Variants in TMEM131L observed in about 807,000 individuals in gnomAD.
TMEM131L encodes the protein transmembrane 131 like, also known as transmembrane protein 131-like.
Under a neutral mutation model 192.2 loss-of-function variants are expected in TMEM131L, and 54 were observed. The observed-to-expected ratio is 0.28, with a 90% CI of 0.23 to 0.35. The LOEUF (loss-of-function observed/expected upper bound fraction) is 0.35, where lower values mean the gene tolerates loss of function less well. Among genes scored for constraint, TMEM131L ranks in the 10% least tolerant of loss-of-function variants. The pLI is 1.00. For synonymous variants in TMEM131L, 701 were observed against 704.9 expected, an observed-to-expected ratio of 0.99 and a Z score of 0.09; for missense variants, 1,888 against 1,972.9, an observed-to-expected ratio of 0.96 and a Z score of 0.82.
chr4:153,478,010 A>G (rs1016654046), intron 3 of TMEM131L, among the ~76,000 whole-genome samples: 1 of 152,212 alleles, frequency 6.6e-6, no homozygotes, highest in African/African-American at 2.4e-5. Flanking sequence ...AAAACTCAGT[A>G]CATCATAGTT....
At chr4:153,490,803 T>C (rs1732719946) in intron 3 of TMEM131L, among the ~76,000 whole-genome samples, 1 of 151,436 alleles carries the variant, frequency 6.6e-6, no homozygotes. Flanking sequence ...AAAATAAAAA[T>C]ATTAGCCAGG....
At chr4:153,571,663 G>T (rs1729595900) in intron 7 of TMEM131L, among the ~76,000 whole-genome samples, 1 of 152,204 alleles carries the variant, frequency 6.6e-6, no homozygotes, top group Non-Finnish European at 1.5e-5. Flanking sequence ...GAGCTCAGGT[G>T]ATCCTCCCTC....
intron 3 of TMEM131L, among the ~76,000 whole-genome samples, chr4:153,512,965 G>A (rs1451709231): frequency 6.6e-6 from 1 of 152,188 alleles, no homozygotes; most frequent in Non-Finnish European, 1.5e-5. Context: ...ATGATCAGTA[G>A]CCATTAATGA....
In TMEM131L at chr4:153,555,705, T is replaced by C. The variant is rs1737932293; in HGVS notation, c.309-82T>C. On this transcript the variant is annotated intron_variant, in intron 4 of 34. Coordinates refer to ENST00000409959, the MANE Select transcript of TMEM131L (RefSeq NM_001131007.2). This position sits in a 1 kb window ranked among gnomAD's most constrained non-coding sequence, Gnocchi z 4.1. ...TTCTGGGTTTAAAAATCTGTGTGTA[T>C]ATATATAATAATACATATATATGTA... 1 of 1,188,284 alleles carries C rather than the reference T, an allele frequency of 8.4e-7. No individual in the cohort carries two copies. 73.6% of individuals were successfully genotyped at this position (1,188,284 alleles called of 1,614,324 possible).
At chr4:153,576,568 A>T (rs926238851) in intron 7 of TMEM131L, among the ~76,000 whole-genome samples, 4 of 152,190 alleles carry the variant, frequency 2.6e-5, no homozygotes, top group African/African-American at 9.6e-5. Context: ...AAAACTGTTA[A>T]TATGAGTGTG....
chr4:153,566,888 T>G (rs1311948790), intron 7 of TMEM131L, among the ~76,000 whole-genome samples: 1 of 152,232 alleles, frequency 6.6e-6, no homozygotes, highest in Non-Finnish European at 1.5e-5. Context: ...CCTAACCTTT[T>G]AAAACTGGCA....
chr4:153,469,465 G>A (rs1314971747), intron 2 of TMEM131L, among the ~76,000 whole-genome samples: 2 of 152,064 alleles, frequency 1.3e-5, no homozygotes, highest in Admixed American at 6.5e-5. Flanking sequence ...TGTGTCAAAC[G>A]GAGTCTGTTG....
chr4:153,588,172 G>T (rs1424899706), intron 15 of TMEM131L, among the ~76,000 whole-genome samples: 1 of 151,330 alleles, frequency 6.6e-6, no homozygotes, highest in East Asian at 1.9e-4. Context: ...TGTATTTGAG[G>T]ACTTAAGTTA....
intron 3 of TMEM131L, among the ~76,000 whole-genome samples, chr4:153,531,429 G>A (rs1735895319): frequency 1.3e-5 from 2 of 152,140 alleles, no homozygotes; most frequent in South Asian, 4.1e-4. Flanking sequence ...CCTTTTCTTG[G>A]ATATAAAGGG....
intron 2 of TMEM131L, among the ~76,000 whole-genome samples, chr4:153,471,711 T>C (rs2149723269): frequency 6.6e-6 from 1 of 152,320 alleles, no homozygotes; most frequent in African/African-American, 2.4e-5. Flanking sequence ...GGAGCAGCCG[T>C]TACCTGATAC....
At chr4:153,522,603 A>G (rs992720890) in intron 3 of TMEM131L, among the ~76,000 whole-genome samples, 4 of 152,174 alleles carry the variant, frequency 2.6e-5, no homozygotes, top group African/African-American at 9.7e-5. Flanking sequence ...GGCTCCACCC[A>G]GTAAGATGGA....
intron 4 of TMEM131L, chr4:153,554,164 C>T (rs967162446): frequency 6.6e-6 from 1 of 152,106 alleles, no homozygotes; most frequent in African/African-American, 2.4e-5. Context: ...AACCCAAAAC[C>T]TCAGAAGTCC....
intron 3 of TMEM131L, among the ~76,000 whole-genome samples, chr4:153,536,868 G>A (rs1736376675): frequency 6.6e-6 from 1 of 152,166 alleles, no homozygotes; most frequent in Non-Finnish European, 1.5e-5. Flanking sequence ...GAAGAACTTG[G>A]GAGTCTGATG....
intron 11 of TMEM131L, among the ~76,000 whole-genome samples, chr4:153,584,549 C>A (rs765071464): frequency 7.9e-5 from 12 of 152,204 alleles, no homozygotes; most frequent in Non-Finnish European, 1.3e-4. Flanking sequence ...TTATTCCTTT[C>A]TTGCTCGTGC....
intron 3 of TMEM131L, among the ~76,000 whole-genome samples, chr4:153,497,044 T>C (rs1733224858): frequency 2.0e-5 from 3 of 151,608 alleles, no homozygotes; most frequent in African/African-American, 7.3e-5. Flanking sequence ...TGTTTTTTTG[T>C]AGAAATGGGG....
At chr4:153,580,553 T>C (rs1730262310) in intron 7 of TMEM131L, among the ~76,000 whole-genome samples, 1 of 152,204 alleles carries the variant, frequency 6.6e-6, no homozygotes. Context: ...CACCTGCTTA[T>C]AGGTGTAATA....
chr4:153,572,227 C>T (rs148211997), intron 7 of TMEM131L, among the ~76,000 whole-genome samples: 1 of 152,218 alleles, frequency 6.6e-6, no homozygotes, highest in African/African-American at 2.4e-5. Context: ...TTATTGTAGT[C>T]AACTGCAGTC....
At chr4:153,552,696 T>C (rs751002736) in intron 4 of TMEM131L, among the ~76,000 whole-genome samples, 5 of 151,978 alleles carry the variant, frequency 3.3e-5, no homozygotes, top group Non-Finnish European at 7.4e-5. Context: ...TAGCTAAGCA[T>C]GGTGGTGCAC....
chr4:153,629,553 C>G (rs959326712), intron 31 of TMEM131L, among the ~76,000 whole-genome samples: 4 of 152,206 alleles, frequency 2.6e-5, no homozygotes, highest in Non-Finnish European at 5.9e-5. Flanking sequence ...CTCTGTTTCT[C>G]TGCCCCTGTC....
Sources: allele counts gnomAD v4.1 joint callset (sites outside exome capture counted in the v4.1 genomes callset), GRCh38; gene constraint gnomAD v4.1.1; non-coding constraint Gnocchi (gnomAD v3.1); transcripts MANE v1.5; gene names NCBI Gene and HGNC (gene_info 2026-07-23, HGNC 2026-07-21).